Variants in EFNA5 observed in about 807,000 individuals in gnomAD.
The protein encoded by EFNA5 is ephrin-A5.
A neutral mutation model predicts 22.9 loss-of-function variants in EFNA5; 5 were observed. The observed-to-expected ratio is 0.22, with a 90% CI of 0.11 to 0.46. The LOEUF is 0.46. EFNA5 is among the 20% of genes least tolerant of loss of function. The probability of loss-of-function intolerance (pLI) is 0.99; values close to 1 mark genes in which losing one functional copy is unlikely to be tolerated. For synonymous variants in EFNA5, 113 were observed against 112.2 expected (o/e 1.01, Z -0.04); for missense variants, 237 against 293.3 (o/e 0.81, Z 1.40).
chr5:107,459,729 C>T (rs147835978), intron 1 of EFNA5, among the ~76,000 whole-genome samples: 1 of 152,194 alleles, frequency 6.6e-6, no homozygotes, highest in East Asian at 1.9e-4. Flanking sequence ...CACGCAATGG[C>T]ACAGCAGAAG....
At chr5:107,481,859 A>AG (rs1561405683) in intron 1 of EFNA5, among the ~76,000 whole-genome samples, 2 of 151,162 alleles carry the variant, frequency 1.3e-5, no homozygotes, top group South Asian at 2.1e-4. Flanking sequence ...CAAAAAAAAA[A>AG]AAAAGAAAAG....
intron 1 of EFNA5, among the ~76,000 whole-genome samples, chr5:107,601,417 C>A (rs1476447546): frequency 9.9e-6 from 1 of 101,478 alleles, no homozygotes; most frequent in Non-Finnish European, 1.9e-5. Context: ...CTGGGCTGCA[C>A]CATCTTCAGG....
Position 107,600,426 on chromosome 5 carries a change from T to C in EFNA5, c.125+70063A>G, listed in dbSNP as rs544699309. 1.1e-4 allele frequency among the ~76,000 whole-genome samples: 17 copies of C among 152,176 alleles called. No homozygotes were observed. In the South Asian group the frequency reaches 3.3e-3, roughly 30 times the overall value. ...CACTAACGATTACAACCTAATATAC[T>C]GTGGTAGCCCAGAGGCCAGCAATAA... On this transcript the variant is annotated intron_variant, in intron 1 of 4. Transcript: ENST00000333274.
intron 1 of EFNA5, among the ~76,000 whole-genome samples, chr5:107,642,636 A>G (rs1334884473): frequency 6.6e-6 from 1 of 152,152 alleles, no homozygotes; most frequent in Non-Finnish European, 1.5e-5. Flanking sequence ...TCTCTAAAAT[A>G]TGTGTGTTTT....
intron 1 of EFNA5, among the ~76,000 whole-genome samples, chr5:107,562,290 T>C (rs1329024558): frequency 1.3e-5 from 2 of 152,152 alleles, no homozygotes; most frequent in African/African-American, 4.8e-5. Context: ...AGCCCGCCTT[T>C]TTAGATTTTC....
In EFNA5 at chr5:107,533,686, T is replaced by C. The variant is rs1160646570; in HGVS notation, c.126-106177A>G. ...TAAACATCCATCAAGAATTCTCCTA[T>C]AAAAGGTATGTTTTATGTAGTTCCC... On this transcript the variant is annotated intron_variant, in intron 1 of 4. Coordinates refer to ENST00000333274, the MANE Select transcript of EFNA5 (RefSeq NM_001962.3). Among the ~76,000 whole-genome samples, 5 of 152,200 alleles carry C rather than the reference T, an allele frequency of 3.3e-5. No individual in the cohort carries two copies. In the South Asian group the frequency reaches 8.3e-4, roughly 25 times the overall value.
intron 1 of EFNA5, among the ~76,000 whole-genome samples, chr5:107,611,868 G>A (rs1749824340): frequency 6.6e-6 from 1 of 152,198 alleles, no homozygotes; most frequent in Non-Finnish European, 1.5e-5. Context: ...CACACTGTTA[G>A]CAGTGAAGGA....
intron 1 of EFNA5, among the ~76,000 whole-genome samples, chr5:107,452,806 A>G (rs896453736): frequency 2.0e-5 from 3 of 152,204 alleles, no homozygotes; most frequent in Non-Finnish European, 2.9e-5. Context: ...GTCATTTTCT[A>G]CTTGAGCTTC....
At chr5:107,409,261 G>A (rs17159917) in intron 2 of EFNA5, among the ~76,000 whole-genome samples, 4,247 of 152,278 alleles carry the variant, frequency 0.028, 204 homozygotes, top group African/African-American at 0.096. Flanking sequence ...CACATCCAGA[G>A]TAGCTTCAGA....
At chr5:107,534,016 C>T (rs542605396) in intron 1 of EFNA5, among the ~76,000 whole-genome samples, 1 of 152,184 alleles carries the variant, frequency 6.6e-6, no homozygotes, top group Non-Finnish European at 1.5e-5. Flanking sequence ...GCTATAAAGA[C>T]TGTTAACCAG....
At chr5:107,558,372 T>C (rs766442904) in intron 1 of EFNA5, among the ~76,000 whole-genome samples, 6 of 152,212 alleles carry the variant, frequency 3.9e-5, no homozygotes, top group Non-Finnish European at 8.8e-5. Context: ...GAAATAGTAA[T>C]TTTTAAATGC....
At chr5:107,452,282 G>A (rs904191654) in intron 1 of EFNA5, among the ~76,000 whole-genome samples, 3 of 151,784 alleles carry the variant, frequency 2.0e-5, no homozygotes, top group African/African-American at 7.3e-5. Flanking sequence ...CATGGCACAC[G>A]TATACCTATG....
chr5:107,402,625 C>A (rs1003328292), intron 2 of EFNA5, among the ~76,000 whole-genome samples: 1 of 152,192 alleles, frequency 6.6e-6, no homozygotes, highest in African/African-American at 2.4e-5. Context: ...GTTTCACAGG[C>A]TTCCGGGTGT....
intron 1 of EFNA5, among the ~76,000 whole-genome samples, chr5:107,466,719 T>C (rs1347610276): frequency 2.0e-5 from 3 of 152,156 alleles, no homozygotes; most frequent in African/African-American, 7.2e-5. Flanking sequence ...AAATCCCTAG[T>C]CTGTAAGTTA....
chr5:107,536,442 C>T (rs746096848), intron 1 of EFNA5, among the ~76,000 whole-genome samples: 7 of 152,198 alleles, frequency 4.6e-5, no homozygotes, highest in African/African-American at 7.2e-5. Flanking sequence ...TCATTTCCTA[C>T]CATAAGTCAC....
chr5:107,523,710 T>A (rs532550332), intron 1 of EFNA5, among the ~76,000 whole-genome samples: 2 of 152,368 alleles, frequency 1.3e-5, no homozygotes, highest in Admixed American at 1.3e-4. Flanking sequence ...TTATCTGTCA[T>A]CCCTTCACTT....
chr5:107,381,165 C>A lies in EFNA5; in HGVS notation c.*90G>T. 6.7e-7 allele frequency: 1 copy of A among 1,483,042 alleles called. No homozygotes were observed. The highest frequency in any genetic ancestry group is 9.1e-7 in the Non-Finnish European group (1 of 1,101,602). 91.9% of individuals were successfully genotyped at this position (1,483,042 alleles called of 1,614,324 possible). On this transcript the variant is annotated 3_prime_UTR_variant, in exon 5 of 5. Coordinates refer to ENST00000333274, the MANE Select transcript of EFNA5 (RefSeq NM_001962.3). ...TCTGACATCTGCCAAAACCCAATAA[C>A]AAGTCCCTTCTTAGGATGAGCAGTT...
At chr5:107,516,982 T>C (rs1289771040) in intron 1 of EFNA5, among the ~76,000 whole-genome samples, 1 of 152,016 alleles carries the variant, frequency 6.6e-6, no homozygotes, top group Non-Finnish European at 1.5e-5. Flanking sequence ...TATCTAGGGC[T>C]GGGGGTAGGC....
chr5:107,634,241 A>T (rs559135272), intron 1 of EFNA5, among the ~76,000 whole-genome samples: 8 of 152,188 alleles, frequency 5.3e-5, no homozygotes, highest in African/African-American at 9.6e-5. Flanking sequence ...GAAAATTCAT[A>T]ATGGTGTCTC....
Sources: allele counts gnomAD v4.1 joint callset (sites outside exome capture counted in the v4.1 genomes callset), GRCh38; gene constraint gnomAD v4.1.1; transcripts MANE v1.5; gene names NCBI Gene and HGNC (gene_info 2026-07-23, HGNC 2026-07-21).